The following GDAP1L1 variants were observed in gnomAD, a reference collection of about 807,000 sequenced individuals.
GDAP1L1 encodes the protein ganglioside-induced differentiation-associated protein 1-like 1.
In GDAP1L1, 21 loss-of-function variants were observed where a neutral mutation model predicts 37.1. The observed-to-expected ratio is 0.57, with a 90% confidence interval of 0.40 to 0.81. The LOEUF is 0.81. GDAP1L1 is among the 40% of genes least tolerant of loss of function. GDAP1L1 has a pLI of 0.00. For synonymous variants in GDAP1L1, 193 were observed against 209.1 expected (o/e 0.92, Z 0.67); for missense variants, 362 against 491.6 (o/e 0.74, Z 2.49).
chr20:44,265,232 A>C (rs2073742526), intron 5 of GDAP1L1: 12 of 985,126 alleles, frequency 1.2e-5, no homozygotes, highest in Non-Finnish European at 1.4e-5. Flanking sequence ...GGGCCTCTAA[A>C]CTTGGACATG....
chr20:44,270,289 G>T (rs2146040546), intron 5 of GDAP1L1, among the ~76,000 whole-genome samples: 1 of 146,474 alleles, frequency 6.8e-6, no homozygotes, highest in South Asian at 2.2e-4. Flanking sequence ...TCCTGCCTCA[G>T]CCTCCCAAGT....
intron 4 of GDAP1L1, 86 bp downstream of exon 4, chr20:44,263,413 G>A: frequency 1.1e-6 from 1 of 946,058 alleles, no homozygotes; most frequent in Non-Finnish European, 1.7e-6. Context: ...TAGAAGATCA[G>A]CTGATGATAT....
intron 4 of GDAP1L1, among the ~76,000 whole-genome samples, 177 bp from the exon 5 acceptor site, chr20:44,264,268 A>T (rs1251530538): frequency 6.7e-6 from 1 of 150,314 alleles, no homozygotes; most frequent in Non-Finnish European, 1.5e-5. Flanking sequence ...AGCCAAGCTC[A>T]CAGGACTGTT....
chr20:44,270,569 T>C (rs1294266501), intron 5 of GDAP1L1, among the ~76,000 whole-genome samples: 1 of 152,222 alleles, frequency 6.6e-6, no homozygotes, highest in Non-Finnish European at 1.5e-5. Flanking sequence ...GGTTGCTTGA[T>C]GCAGGTTGCC....
intron 5 of GDAP1L1, among the ~76,000 whole-genome samples, chr20:44,274,514 G>A (rs569222191): frequency 2.3e-4 from 35 of 152,096 alleles, no homozygotes; most frequent in Non-Finnish European, 4.7e-4. Context: ...GTCGGTAAAC[G>A]CAGTCACCAG....
At chr20:44,267,394 G>A (rs1042785314) in intron 5 of GDAP1L1, among the ~76,000 whole-genome samples, 1 of 152,148 alleles carries the variant, frequency 6.6e-6, no homozygotes, top group Admixed American at 6.5e-5. Context: ...TGGATCACTT[G>A]AGGTCAGGAG....
intron 1 of GDAP1L1, among the ~76,000 whole-genome samples, chr20:44,247,857 T>C (rs552268023): frequency 6.6e-6 from 1 of 152,026 alleles, no homozygotes; most frequent in Non-Finnish European, 1.5e-5. Context: ...GGAAGGCGGC[T>C]TGGTGGGGTG....
In GDAP1L1 at chr20:44,279,628, C is replaced by G. The variant is rs570000586; in HGVS notation, c.*328C>G. The G allele has an allele frequency of 7.5e-5, 37 of 495,776 alleles. No homozygotes were observed. The highest frequency in any genetic ancestry group is 5.7e-4 in the South Asian group (37 of 64,800). 30.7% of individuals were successfully genotyped at this position (495,776 alleles called of 1,614,324 possible). A position where few individuals can be genotyped will look rare whatever the true frequency, so the allele number is the denominator to read the frequency against. ...AGACTGGTTAGGATCTGAGGTGAGT[C>G]CCAGGATGTTTCGTCCACCAGGGCC... On this transcript the variant is annotated 3_prime_UTR_variant, in exon 6 of 6. Transcript: ENST00000342560.
At chr20:44,276,468 A>AAAGAAAGAAAGAAAGAAAG (rs1480283790) in intron 5 of GDAP1L1, among the ~76,000 whole-genome samples, 3 of 71,762 alleles carry the variant, frequency 4.2e-5, no homozygotes, top group Admixed American at 1.2e-4. Context: ...AAGAAAGAAA[A>AAAGAAAGAAAGAAAGAAAG]AGAAAGGCAG....
rs761344936 is a variant in GDAP1L1 at position 44,279,587 on chromosome 20, C to T, written c.*287C>T. ...TGCCTTTTCTATCGATTCAAGGTCT[C>T]AAGATGGAACTGTGGAGACTGGTTA... On this transcript the variant is annotated 3_prime_UTR_variant, in exon 6 of 6. Coordinates refer to ENST00000342560, the MANE Select transcript of GDAP1L1 (RefSeq NM_024034.6). 11 of 538,750 alleles carry T rather than the reference C, an allele frequency of 2.0e-5. No individual in the cohort carries two copies. 33.4% of individuals were successfully genotyped at this position (538,750 alleles called of 1,614,324 possible). A position where few individuals can be genotyped will look rare whatever the true frequency, so the allele number is the denominator to read the frequency against.
chr20:44,265,578 T>A, intron 5 of GDAP1L1: 1 of 725,998 alleles, frequency 1.4e-6, no homozygotes, highest in Non-Finnish European at 1.7e-6. Context: ...ATATGTAACC[T>A]TGGACAAGTT....
rs537172550 is a variant in GDAP1L1, at chr20:44,274,721, G to A, written c.761-4236G>A. ...TATTTAAAGTTTGCAGAGGGACCCC[G>A]GGTTCAGTCCCTTGCCCTATTTCCA... On this transcript the variant is annotated intron_variant, in intron 5 of 5. Transcript: ENST00000342560. Among the ~76,000 whole-genome samples the A allele has an allele frequency of 8.5e-5, 13 of 152,172 alleles. No individual in the cohort carries two copies. In the East Asian group the frequency reaches 1.7e-3, roughly 20 times the overall value.
rs760785639 is a variant in GDAP1L1 at position 44,279,109 on chromosome 20, G to A, written c.913G>A (p.Val305Ile). 6.2e-7 allele frequency: 1 copy of A among 1,614,144 alleles called. No individual in the cohort carries two copies. Among genetic ancestry groups the A allele is most frequent in the East Asian group, 2.2e-5 (1 of 44,884 alleles). Residue 305 changes from valine (V) to isoleucine (I), a missense_variant, in exon 6 of 6, where the codon GTC becomes ATC. Val to Ile is a conservative substitution (Grantham distance 29, BLOSUM62 3). This residue lies in a region of GDAP1L1 where 85 missense variants were observed against 154.4 expected (regional missense o/e 0.55). Coordinates refer to ENST00000342560, the MANE Select transcript of GDAP1L1 (RefSeq NM_024034.6). ...CAACCTGCAGTCCTTCTTTGAGAGG[G>A]TCCAGAGACGCTTTGCCTTCCGGAA... ...RPNLQSFFER[V>I]QRRFAFRKVL...
chr20:44,267,750 T>C (rs1045336475), intron 5 of GDAP1L1, among the ~76,000 whole-genome samples: 4 of 152,126 alleles, frequency 2.6e-5, no homozygotes, highest in Non-Finnish European at 4.4e-5. Context: ...TTCATATACA[T>C]TGTGATCCAG....
chr20:44,258,368 C>A, intron 2 of GDAP1L1, 66 bp from the exon 3 acceptor site: 1 of 1,480,580 alleles, frequency 6.8e-7, no homozygotes. Flanking sequence ...TCAGGGATGC[C>A]GGGGGCAGGT....
chr20:44,264,529 G>GAGCTGGAGAAGAGGA lies in GDAP1L1; in HGVS notation c.741_755dup (p.Lys247_Glu251dup), dbSNP rs1195390099. 2.2e-5 allele frequency: 35 copies of GAGCTGGAGAAGAGGA among 1,607,094 alleles called. No individual in the cohort carries two copies. The highest frequency in any genetic ancestry group is 1.2e-4 in the Admixed American group (7 of 59,146). ...CATGGTGCTGGACCAGATTGAGGCG[G>GAGCTGGAGAAGAGGA]AGCTGGAGAAGAGGAAGCTGGAGAA... On this transcript the variant is annotated inframe_insertion, in exon 5 of 6. Transcript: ENST00000342560.
intron 5 of GDAP1L1, among the ~76,000 whole-genome samples, chr20:44,267,972 T>A (rs1490498054): frequency 6.6e-6 from 1 of 152,198 alleles, no homozygotes; most frequent in Admixed American, 6.5e-5. Context: ...TGCATCCCTC[T>A]GGGGCTGGGG....
intron 1 of GDAP1L1, among the ~76,000 whole-genome samples, chr20:44,250,794 T>A (rs2073425388): frequency 6.6e-6 from 1 of 152,138 alleles, no homozygotes; most frequent in South Asian, 2.1e-4. Context: ...CCCAGCCTCC[T>A]CCTCCTTTGT....
rs1310326858 is a variant in GDAP1L1, at chr20:44,279,082, C to T, written c.886C>T (p.Pro296Ser). 3.7e-6 allele frequency: 6 copies of T among 1,614,182 alleles called. No homozygotes were observed. Among genetic ancestry groups the T allele is most frequent in the Non-Finnish European group, 5.1e-6 (6 of 1,180,004 alleles). The change falls in exon 6 of 6, where the codon CCC becomes TCC. Residue 296 changes from proline to serine, a missense_variant. This residue lies in a region of GDAP1L1 where 85 missense variants were observed against 154.4 expected (regional missense o/e 0.55). Coordinates refer to ENST00000342560, the MANE Select transcript of GDAP1L1 (RefSeq NM_024034.6). ...SKKYWEDGSR[P>S]NLQSFFERVQ... is the part of the protein sequence containing the mutation. ...GAAATACTGGGAAGATGGCAGCCGG[C>T]CCAACCTGCAGTCCTTCTTTGAGAG... is the stretch of plus-strand genomic sequence containing the variant.
Sources: gnomAD v4.1 joint callset for allele counts (sites outside exome capture counted in the v4.1 genomes callset) on GRCh38, gnomAD v4.1.1 for gene constraint, gnomAD v4.1.1 regional missense constraint, MANE v1.5 for transcripts, NCBI Gene and HGNC (gene_info 2026-07-23, HGNC 2026-07-21) for gene names.